Variants in PLCB4 observed in about 807,000 individuals in gnomAD.
The protein encoded by PLCB4 is 1-phosphatidylinositol 4,5-bisphosphate phosphodiesterase beta-4.
In PLCB4, 77 loss-of-function variants were observed where a neutral mutation model predicts 178.8. The ratio of observed to expected loss-of-function variants is 0.43; its 90% confidence interval spans 0.36 to 0.52. The LOEUF is 0.52. Ranked by LOEUF, PLCB4 falls within the 20% of genes least tolerant of loss-of-function variation. PLCB4 has a pLI of 0.00. For synonymous variants in PLCB4, 496 were observed against 490.8 expected (o/e 1.01, Z -0.14); for missense variants, 1,024 against 1,453.4 (o/e 0.70, Z 4.80).
intron 2 of PLCB4, among the ~76,000 whole-genome samples, chr20:9,172,176 A>T (rs962124888): frequency 9.9e-5 from 15 of 152,168 alleles, no homozygotes; most frequent in Non-Finnish European, 1.3e-4. Flanking sequence ...GACTCCATAG[A>T]GCAGGTTGAC....
intron 1 of PLCB4, among the ~76,000 whole-genome samples, chr20:9,079,896 G>A (rs2090067285): frequency 1.3e-5 from 2 of 152,214 alleles, no homozygotes; most frequent in South Asian, 4.1e-4. Context: ...CGTAGAATGG[G>A]AAATGTTATG....
chr20:9,358,525 G>T (rs1171170294), intron 7 of PLCB4, among the ~76,000 whole-genome samples: 5 of 152,210 alleles, frequency 3.3e-5, no homozygotes, highest in African/African-American at 1.2e-4. Flanking sequence ...AAGATTGGAA[G>T]TAGTGCTGCC....
At chr20:9,122,190 A>G (rs1031289669) in intron 2 of PLCB4, among the ~76,000 whole-genome samples, 1 of 152,192 alleles carries the variant, frequency 6.6e-6, no homozygotes. Flanking sequence ...CTTGTCGTAG[A>G]TAACTCTGTA....
At chr20:9,298,744 T>C (rs1415874816) in intron 3 of PLCB4, among the ~76,000 whole-genome samples, 1 of 152,118 alleles carries the variant, frequency 6.6e-6, no homozygotes, top group Non-Finnish European at 1.5e-5. Flanking sequence ...TATTTGTAAT[T>C]ATTAAATTTT....
At chr20:9,267,523 G>A (rs2094360716) in intron 3 of PLCB4, among the ~76,000 whole-genome samples, 1 of 151,968 alleles carries the variant, frequency 6.6e-6, no homozygotes, top group Admixed American at 6.6e-5. Context: ...TATCATAAAA[G>A]GGCAGTTTTT....
intron 1 of PLCB4, among the ~76,000 whole-genome samples, chr20:9,074,124 G>T (rs1177942704): frequency 2.6e-5 from 4 of 152,140 alleles, no homozygotes; most frequent in African/African-American, 9.7e-5. Context: ...GTTTTAGCTT[G>T]AATGCTGACA....
chr20:9,194,464 A>C (rs1181957742), intron 2 of PLCB4, among the ~76,000 whole-genome samples: 2 of 152,038 alleles, frequency 1.3e-5, no homozygotes, highest in Non-Finnish European at 2.9e-5. Flanking sequence ...AGGTGGGTGG[A>C]TCACAAGGTC....
chr20:9,396,908 C>T (rs563173358), intron 19 of PLCB4, among the ~76,000 whole-genome samples: 1 of 152,284 alleles, frequency 6.6e-6, no homozygotes, highest in African/African-American at 2.4e-5. Flanking sequence ...TGTGGAGGGT[C>T]TTGCCTTGAG....
Position 9,154,082 on chromosome 20 carries a change from C to G in PLCB4, c.-79+57740C>G, listed in dbSNP as rs934765486. Among the ~76,000 whole-genome samples the G allele has an allele frequency of 4.6e-5, 7 of 152,120 alleles. No homozygotes were observed. In the South Asian group the frequency reaches 1.2e-3, roughly 27 times the overall value. ...TTCTGGTCCACTATCTTGATCTTTC[C>G]ATTTTCCATTGGTCACTTGGGCAAA... On this transcript the variant is annotated intron_variant, in intron 2 of 39. Coordinates refer to ENST00000378473, the MANE Select transcript of PLCB4 (RefSeq NM_001377142.1).
At chr20:9,270,247 T>C (rs1251055642) in intron 3 of PLCB4, among the ~76,000 whole-genome samples, 3 of 152,160 alleles carry the variant, frequency 2.0e-5, no homozygotes, top group African/African-American at 7.2e-5. Context: ...ATTTGACAAA[T>C]TCATTGAATC....
intron 2 of PLCB4, among the ~76,000 whole-genome samples, chr20:9,128,217 A>G (rs961191968): frequency 6.6e-6 from 1 of 151,742 alleles, no homozygotes; most frequent in Non-Finnish European, 1.5e-5. Context: ...TCTCTCTCTC[A>G]GTCCCACTCT....
At chr20:9,087,140 A>G (rs780764743) in intron 1 of PLCB4, among the ~76,000 whole-genome samples, 2 of 152,218 alleles carry the variant, frequency 1.3e-5, no homozygotes, top group African/African-American at 2.4e-5. Context: ...AATCTTTGCC[A>G]TATAGATGGA....
intron 3 of PLCB4, among the ~76,000 whole-genome samples, chr20:9,264,682 G>C (rs1299903738): frequency 6.6e-6 from 1 of 152,118 alleles, no homozygotes; most frequent in African/African-American, 2.4e-5. Flanking sequence ...TCTTGAATAG[G>C]CATGTGGAAG....
rs1336588781 is a variant in PLCB4 at position 9,116,388 on chromosome 20, A to G, written c.-79+20046A>G. ...ACATATATATACATTGTGCATGTAC[A>G]TAGATACACACATGCAGAGTATTGT... On this transcript the variant is annotated intron_variant, in intron 2 of 39. Coordinates refer to ENST00000378473, the MANE Select transcript of PLCB4 (RefSeq NM_001377142.1). 2.6e-5 allele frequency among the ~76,000 whole-genome samples: 4 copies of G among 152,186 alleles called. No homozygotes were observed. In the South Asian group the frequency reaches 6.2e-4, roughly 24 times the overall value.
At chr20:9,380,281 G>A (rs1257219875) in intron 13 of PLCB4, 119 bp downstream of exon 13, 7 of 536,994 alleles carry the variant, frequency 1.3e-5, no homozygotes, top group Non-Finnish European at 2.0e-5. Context: ...ATGGATTGAT[G>A]ACTATTTTTT....
chr20:9,105,506 T>C (rs1266123713), intron 2 of PLCB4, among the ~76,000 whole-genome samples: 1 of 152,088 alleles, frequency 6.6e-6, no homozygotes, highest in Non-Finnish European at 1.5e-5. Flanking sequence ...TATGAACCTA[T>C]TAATACTCTC....
chr20:9,170,612 A>G (rs2093048885), intron 2 of PLCB4, among the ~76,000 whole-genome samples: 1 of 152,214 alleles, frequency 6.6e-6, no homozygotes, highest in Admixed American at 6.5e-5. Context: ...TTAGCCTGAA[A>G]TATAAGTTGG....
chr20:9,458,359 T>C (rs2043185066), intron 34 of PLCB4, among the ~76,000 whole-genome samples: 1 of 152,248 alleles, frequency 6.6e-6, no homozygotes, highest in South Asian at 2.1e-4. Flanking sequence ...GTTTGAGAAT[T>C]AGTAGTTGTG....
At chr20:9,150,804 C>A (rs574465281) in intron 2 of PLCB4, among the ~76,000 whole-genome samples, 1 of 152,240 alleles carries the variant, frequency 6.6e-6, no homozygotes, top group East Asian at 1.9e-4. Flanking sequence ...GTAGGGGAAA[C>A]CTTCTCCTCC....
Sources: allele counts gnomAD v4.1 joint callset (sites outside exome capture counted in the v4.1 genomes callset), GRCh38; gene constraint gnomAD v4.1.1; transcripts MANE v1.5; gene names NCBI Gene and HGNC (gene_info 2026-07-23, HGNC 2026-07-21).